The following EPS15 variants were observed in gnomAD, a reference collection of about 807,000 sequenced individuals.
EPS15 encodes epidermal growth factor receptor pathway substrate 15.
A neutral mutation model predicts 113.8 loss-of-function variants in EPS15; 72 were observed. That is an observed-to-expected ratio of 0.63 (90% CI 0.52 to 0.77). EPS15 has a LOEUF of 0.77. EPS15 is among the 30% of genes least tolerant of loss of function. EPS15 has a pLI of 0.00. For synonymous variants in EPS15, 344 were observed against 363.4 expected, an observed-to-expected ratio of 0.95 and a Z score of 0.61; for missense variants, 1,048 against 1,045.8, an observed-to-expected ratio of 1.00 and a Z score of -0.03.
intron 12 of EPS15, among the ~76,000 whole-genome samples, chr1:51,431,814 T>C (rs1186567228): frequency 6.6e-6 from 1 of 152,046 alleles, no homozygotes; most frequent in Non-Finnish European, 1.5e-5. Flanking sequence ...CAAAATGAGA[T>C]TAAAAGAAAC....
At chr1:51,477,390 T>C (rs1192420984) in intron 2 of EPS15, among the ~76,000 whole-genome samples, 1 of 152,134 alleles carries the variant, frequency 6.6e-6, no homozygotes, top group Non-Finnish European at 1.5e-5. Context: ...TTTGTTGATC[T>C]TTTCAAAAAA....
Position 51,356,268 on chromosome 1 carries a change from T to C in EPS15, c.*432A>G. On this transcript the variant is annotated 3_prime_UTR_variant, in exon 25 of 25. Coordinates refer to ENST00000371733, the MANE Select transcript of EPS15 (RefSeq NM_001981.3). The stretch of plus-strand genomic sequence containing the variant: ...AAATAAGATATTCTTTCCCTTACCC[T>C]CACTCAACCATTCCAATCAGGGGAG... The C allele has an allele frequency of 4.5e-6, 1 of 224,182 alleles. No individual in the cohort carries two copies. Among genetic ancestry groups the C allele is most frequent in the Non-Finnish European group, 8.9e-6 (1 of 112,528 alleles). The allele number at this position is 224,182 out of a possible 1,614,324, so 13.9% of individuals were successfully genotyped here.
chr1:51,434,719 T>G (rs1004144111), intron 12 of EPS15, among the ~76,000 whole-genome samples: 7 of 152,214 alleles, frequency 4.6e-5, no homozygotes, highest in South Asian at 2.1e-4. Flanking sequence ...TCTCCCAGGC[T>G]GGAGTGCAGT....
chr1:51,497,085 T>TA (rs759854381), intron 1 of EPS15, among the ~76,000 whole-genome samples: 3 of 152,232 alleles, frequency 2.0e-5, no homozygotes, highest in Non-Finnish European at 2.9e-5. Context: ...TATTCAATGT[T>TA]ACATATAGAA....
chr1:51,368,558 C>T (rs1385386913), intron 21 of EPS15, among the ~76,000 whole-genome samples: 4 of 151,448 alleles, frequency 2.6e-5, no homozygotes, highest in Non-Finnish European at 5.9e-5. Context: ...CAGGGTTTCC[C>T]TTCTTTCTGT....
At chr1:51,498,566 C>T (rs1432642762) in intron 1 of EPS15, among the ~76,000 whole-genome samples, 1 of 152,178 alleles carries the variant, frequency 6.6e-6, no homozygotes, top group Non-Finnish European at 1.5e-5. Context: ...GTAGGCTAGA[C>T]TAAGCTATGA....
chr1:51,397,969 T>C (rs1178904514), intron 20 of EPS15, among the ~76,000 whole-genome samples: 3 of 152,046 alleles, frequency 2.0e-5, no homozygotes, highest in Admixed American at 2.0e-4. Flanking sequence ...ACTATTGAAA[T>C]TGGGTAATGG....
intron 24 of EPS15, among the ~76,000 whole-genome samples, chr1:51,360,042 C>T (rs1046445040): frequency 4.6e-5 from 7 of 152,036 alleles, no homozygotes; most frequent in African/African-American, 1.7e-4. Context: ...GCACTTTGGC[C>T]TCTTAAAATG....
chr1:51,500,096 T>G (rs761308476), intron 1 of EPS15, among the ~76,000 whole-genome samples: 6 of 152,246 alleles, frequency 3.9e-5, no homozygotes, highest in Non-Finnish European at 8.8e-5. Context: ...CTTTAAGATT[T>G]TTCCTTCTTG....
chr1:51,409,479 G>A, intron 14 of EPS15, 56 bp downstream of exon 14: 1 of 1,493,650 alleles, frequency 6.7e-7, no homozygotes, highest in Non-Finnish European at 9.1e-7. Context: ...TTCATCTTAA[G>A]CCAGGAAAAG....
chr1:51,390,386 A>G (rs1000048607), intron 21 of EPS15, among the ~76,000 whole-genome samples: 2 of 152,202 alleles, frequency 1.3e-5, no homozygotes, highest in Admixed American at 1.3e-4. Flanking sequence ...AGGCATCACC[A>G]TTCAGGACAT....
chr1:51,457,284 C>CT (rs1160971205), intron 8 of EPS15, among the ~76,000 whole-genome samples: 2 of 151,246 alleles, frequency 1.3e-5, no homozygotes, highest in African/African-American at 4.9e-5. Flanking sequence ...GAGACTCCAT[C>CT]TCAAAAAAAA....
At chr1:51,514,529 T>C (rs1644679947) in intron 1 of EPS15, among the ~76,000 whole-genome samples, 1 of 152,206 alleles carries the variant, frequency 6.6e-6, no homozygotes, top group African/African-American at 2.4e-5. Context: ...AAAGTGCTTT[T>C]TGTAATTCCC....
rs1346094518 is a variant in EPS15 at position 51,508,265 on chromosome 1, AG to A, written c.33+10933del. ...AAGAGAGAAAGAGAGAGAGAGAGAG[AG>A]AGAGAGAAAGAGAGAAAGAGAGAAA... On this transcript the variant is annotated intron_variant, in intron 1 of 24. Transcript: ENST00000371733. Among the ~76,000 whole-genome samples the A allele has an allele frequency of 9.8e-4, 134 of 136,308 alleles. 1 individual carries two copies. Among genetic ancestry groups the A allele is most frequent in the South Asian group, 3.1e-3 (14 of 4,532 alleles). 89.4% of individuals were successfully genotyped at this position (136,308 alleles called of 152,430 possible).
chr1:51,501,481 G>GT (rs1274135672), intron 1 of EPS15, among the ~76,000 whole-genome samples: 1 of 151,716 alleles, frequency 6.6e-6, no homozygotes, highest in African/African-American at 2.4e-5. Flanking sequence ...TTTTTTGTGG[G>GT]TTTTTTGTGG....
At chr1:51,461,974 T>C (rs1240359123) in intron 7 of EPS15, 4 of 152,304 alleles carry the variant, frequency 2.6e-5, no homozygotes, top group East Asian at 1.9e-4. Flanking sequence ...ATTAGAAAAC[T>C]GAGACATGGC....
intron 5 of EPS15, among the ~76,000 whole-genome samples, chr1:51,467,217 T>G (rs960873495): frequency 6.6e-6 from 1 of 152,106 alleles, no homozygotes; most frequent in East Asian, 1.9e-4. Context: ...ACTCAAACAA[T>G]TGCTGGAGGG....
chr1:51,496,996 A>G lies in EPS15; in HGVS notation c.34-15682T>C, dbSNP rs1326990800. On this transcript the variant is annotated intron_variant, in intron 1 of 24. Transcript: ENST00000371733. ...ACACATAGAAGATAATAAATATTTT[A>G]TAAGTGAACAAAAATGAAAGAATGA... Among the ~76,000 whole-genome samples the G allele has an allele frequency of 3.9e-5, 6 of 152,376 alleles. No homozygotes were observed. The East Asian group carries it at 9.6e-4, about 24-fold the overall frequency.
At chr1:51,516,680 T>C (rs1328113530) in intron 1 of EPS15, among the ~76,000 whole-genome samples, 1 of 152,202 alleles carries the variant, frequency 6.6e-6, no homozygotes, top group Non-Finnish European at 1.5e-5. Flanking sequence ...CAAGAAATTA[T>C]AAACACGATA....
Sources: allele counts gnomAD v4.1 joint callset (sites outside exome capture counted in the v4.1 genomes callset), GRCh38; gene constraint gnomAD v4.1.1; transcripts MANE v1.5; gene names NCBI Gene and HGNC (gene_info 2026-07-23, HGNC 2026-07-21).